The following PRRX1 variants were observed in gnomAD, a reference collection of about 807,000 sequenced individuals.
PRRX1 encodes the protein paired mesoderm homeobox protein 1.
A neutral mutation model predicts 24.0 loss-of-function variants in PRRX1; 8 were observed. The observed-to-expected ratio is 0.33, with a 90% CI of 0.20 to 0.60. The LOEUF (loss-of-function observed/expected upper bound fraction) is 0.60. Ranked by LOEUF, PRRX1 falls within the 20% of genes least tolerant of loss-of-function variation. The pLI is 0.82. For missense variants in PRRX1, 281 were observed against 322.4 expected, an observed-to-expected ratio of 0.87 and a Z score of 0.98; for synonymous variants, 160 against 131.7, an observed-to-expected ratio of 1.22 and a Z score of -1.47.
intron 2 of PRRX1, chr1:170,722,739 A>T (rs1400129445): frequency 6.6e-6 from 1 of 152,262 alleles, no homozygotes. Flanking sequence ...CTCACAGGAC[A>T]AATCTTGAAA....
At chr1:170,664,091 C>CTCTCTCTCTCTA, upstream of PRRX1, 1 of 882,724 alleles carries the variant, frequency 1.1e-6, no homozygotes, top group African/African-American at 1.7e-5. Context: ...CTTCCTCCCT[C>CTCTCTCTCTCTA]TCTCTCTCTC....
rs930331980 is a variant in PRRX1, at chr1:170,738,523, A to G, written c.*2337A>G. On this transcript the variant is annotated 3_prime_UTR_variant, in exon 4 of 4. Transcript: ENST00000239461. ...GTTCCCCCATTCATCCATTTGTCCC[A>G]TTAGTTGCTGTGGATTATCAAGTTT... is the stretch of plus-strand genomic sequence containing the variant. 4 of 228,946 alleles carry G rather than the reference A, an allele frequency of 1.7e-5. No individual in the cohort carries two copies. Among genetic ancestry groups the G allele is most frequent in the African/African-American group, 8.9e-5 (4 of 45,116 alleles). The allele number at this position is 228,946 out of a possible 1,614,324, so 14.2% of individuals were successfully genotyped here.
chr1:170,727,412 G>A (rs970938730), intron 3 of PRRX1: 5 of 152,136 alleles, frequency 3.3e-5, no homozygotes, highest in Admixed American at 1.3e-4. Context: ...TTCAGTGGAG[G>A]AAGAACTATT....
At chr1:170,718,732 C>T (rs1229736627) in intron 1 of PRRX1, among the ~76,000 whole-genome samples, 1 of 152,144 alleles carries the variant, frequency 6.6e-6, no homozygotes, top group Non-Finnish European at 1.5e-5. Flanking sequence ...GAGCTCAGGC[C>T]TTAGGGTGAT....
intron 1 of PRRX1, among the ~76,000 whole-genome samples, chr1:170,697,354 A>G (rs1377641268): frequency 4.6e-5 from 7 of 152,190 alleles, no homozygotes; most frequent in African/African-American, 1.7e-4. Context: ...TAAAAGTTTT[A>G]TAAATACATA....
At chr1:170,671,218 G>A (rs1653131103) in intron 1 of PRRX1, among the ~76,000 whole-genome samples, 1 of 152,190 alleles carries the variant, frequency 6.6e-6, no homozygotes, top group Admixed American at 6.5e-5. Context: ...ACGGAAACTC[G>A]GATGCAGTAA....
intron 1 of PRRX1, among the ~76,000 whole-genome samples, chr1:170,690,940 C>T (rs778038287): frequency 6.6e-6 from 1 of 152,072 alleles, no homozygotes; most frequent in Non-Finnish European, 1.5e-5. Flanking sequence ...CATAGTCCAT[C>T]AGAAAAGGCT....
chr1:170,721,974 T>G (rs1655099450), intron 2 of PRRX1, among the ~76,000 whole-genome samples: 2 of 151,288 alleles, frequency 1.3e-5, no homozygotes, highest in Admixed American at 6.6e-5. Flanking sequence ...TGGTGGACAT[T>G]TCAAAAAAAA....
At chr1:170,720,031 G>T (rs1655030829) in intron 2 of PRRX1, 130 bp downstream of exon 2, 1 of 1,235,184 alleles carries the variant, frequency 8.1e-7, no homozygotes, top group East Asian at 2.5e-5. Flanking sequence ...ACGTTGGGAG[G>T]TTGAGGCAGG....
chr1:170,697,317 C>T (rs1034578469), intron 1 of PRRX1, among the ~76,000 whole-genome samples: 1 of 152,016 alleles, frequency 6.6e-6, no homozygotes, highest in Non-Finnish European at 1.5e-5. Flanking sequence ...CAATGATCTC[C>T]CTTGAAGGGT....
chr1:170,733,297 T>G (rs188587889), intron 3 of PRRX1, among the ~76,000 whole-genome samples: 14 of 152,294 alleles, frequency 9.2e-5, no homozygotes, highest in African/African-American at 3.1e-4. Context: ...GCATCTTCAG[T>G]AAACTAAAAT....
Position 170,736,302 on chromosome 1 carries a change from A to C in PRRX1, c.*116A>C. On this transcript the variant is annotated 3_prime_UTR_variant, in exon 4 of 4. Coordinates refer to ENST00000239461, the MANE Select transcript of PRRX1 (RefSeq NM_022716.4). Reference sequence around the variant, plus strand: ...AAAGTAAATTACAAACAAACAAACAAAGCAGAACTAAAATATTGGGACCAT... The same window carrying C: ...AAAGTAAATTACAAACAAACAAACACAGCAGAACTAAAATATTGGGACCAT... 2 of 1,385,050 alleles carry C rather than the reference A, an allele frequency of 1.4e-6. No individual in the cohort carries two copies. The highest frequency in any genetic ancestry group is 2.0e-6 in the Non-Finnish European group (2 of 999,018). 85.8% of individuals were successfully genotyped at this position (1,385,050 alleles called of 1,614,324 possible). A position where few individuals can be genotyped will look rare whatever the true frequency, so the allele number is the denominator to read the frequency against.
chr1:170,675,941 G>A (rs779363404), intron 1 of PRRX1, among the ~76,000 whole-genome samples: 3 of 152,054 alleles, frequency 2.0e-5, no homozygotes, highest in Non-Finnish European at 4.4e-5. Context: ...AACCACACTT[G>A]CCTAATAAAA....
chr1:170,702,506 G>T (rs926871434), intron 1 of PRRX1, among the ~76,000 whole-genome samples: 1 of 152,104 alleles, frequency 6.6e-6, no homozygotes, highest in East Asian at 1.9e-4. Flanking sequence ...GGGTGTGTGT[G>T]CAGGCAAAGC....
intron 1 of PRRX1, among the ~76,000 whole-genome samples, chr1:170,698,040 A>G (rs1229786055): frequency 2.6e-5 from 4 of 151,972 alleles, no homozygotes; most frequent in African/African-American, 4.8e-5. Context: ...GTTAAACACT[A>G]TGAGCCAAAT....
chr1:170,723,778 A>G (rs1655165304), intron 2 of PRRX1, among the ~76,000 whole-genome samples: 1 of 152,244 alleles, frequency 6.6e-6, no homozygotes. Context: ...CACCTAGGCT[A>G]TAGGGTATAG....
At position 170,738,150 on chromosome 1, in the gene PRRX1, G is replaced by A. The variant is rs182885405; in HGVS notation, c.*1964G>A. 17 of 219,820 alleles carry A rather than the reference G, an allele frequency of 7.7e-5. No homozygotes were observed. The East Asian group carries it at 1.1e-3, about 14-fold the overall frequency. 13.6% of individuals were successfully genotyped at this position (219,820 alleles called of 1,614,324 possible). On this transcript the variant is annotated 3_prime_UTR_variant, in exon 4 of 4. Coordinates refer to ENST00000239461, the MANE Select transcript of PRRX1 (RefSeq NM_022716.4). Reference sequence around the variant, plus strand: ...AGCTTAGTTCTAATAATTTTTAGTTGTGAGTGATTAAAAAACTTTGGATCA... The same window carrying A: ...AGCTTAGTTCTAATAATTTTTAGTTATGAGTGATTAAAAAACTTTGGATCA...
rs1655691594 is a variant in PRRX1, at chr1:170,738,406, T to C, written c.*2220T>C. On this transcript the variant is annotated 3_prime_UTR_variant, in exon 4 of 4. Transcript: ENST00000239461. ...TATACATTTTGCTTTCACCAATTGA[T>C]TCCTTCTTCTTTTAGCCCACTATTA... 4 of 226,336 alleles carry C rather than the reference T, an allele frequency of 1.8e-5. No homozygotes were observed. Among genetic ancestry groups the C allele is most frequent in the Non-Finnish European group, 2.6e-5 (3 of 113,848 alleles). The allele number at this position is 226,336 out of a possible 1,614,324, so 14.0% of individuals were successfully genotyped here.
chr1:170,682,549 G>T (rs1165116156), intron 1 of PRRX1, among the ~76,000 whole-genome samples: 1 of 152,008 alleles, frequency 6.6e-6, no homozygotes, highest in Admixed American at 6.6e-5. Context: ...TGGAGGCCTA[G>T]GTTTAAATGT....
Sources: allele counts gnomAD v4.1 joint callset (sites outside exome capture counted in the v4.1 genomes callset), GRCh38; gene constraint gnomAD v4.1.1; transcripts MANE v1.5; gene names NCBI Gene and HGNC (gene_info 2026-07-23, HGNC 2026-07-21).